CAMK2A: variants seen among roughly 807,000 people sequenced by gnomAD.
CAMK2A encodes the protein calcium/calmodulin dependent protein kinase II alpha.
Under a neutral mutation model 79.2 loss-of-function variants are expected in CAMK2A, and 7 were observed. The observed-to-expected ratio is 0.09, with a 90% CI of 0.05 to 0.17. The LOEUF (loss-of-function observed/expected upper bound fraction) is 0.17. Among genes scored for constraint, CAMK2A ranks in the 10% least tolerant of loss-of-function variants. The probability of loss-of-function intolerance (pLI) is 1.00; values close to 1 mark genes in which losing one functional copy is unlikely to be tolerated. For synonymous variants in CAMK2A, 242 were observed against 251.7 expected (o/e 0.96, Z 0.36); for missense variants, 214 against 646.4 (o/e 0.33, Z 7.25).
chr5:150,287,551 C>A (rs1475353183), intron 1 of CAMK2A, among the ~76,000 whole-genome samples: 1 of 152,184 alleles, frequency 6.6e-6, no homozygotes, highest in African/African-American at 2.4e-5. Flanking sequence ...AAAACCCAGT[C>A]TTAATGATAT....
intron 13 of CAMK2A, among the ~76,000 whole-genome samples, chr5:150,242,530 G>A (rs1350623801): frequency 6.6e-6 from 1 of 152,196 alleles, no homozygotes; most frequent in Non-Finnish European, 1.5e-5. Context: ...AGGAATGTGT[G>A]CCTCCCTGCT....
At chr5:150,224,774 A>G (rs1754511094) in intron 17 of CAMK2A, among the ~76,000 whole-genome samples, 1 of 152,094 alleles carries the variant, frequency 6.6e-6, no homozygotes, top group South Asian at 2.1e-4. Context: ...AGACCAACAT[A>G]TCCATTCCAC....
chr5:150,248,032 CCAGT>C (rs756938334), intron 11 of CAMK2A, among the ~76,000 whole-genome samples: 39 of 152,182 alleles, frequency 2.6e-4, no homozygotes, highest in Non-Finnish European at 4.9e-4. Flanking sequence ...TAGGCTTTAG[CCAGT>C]ACAGCTCCTG....
Position 150,222,505 on chromosome 5 carries a change from G to T in CAMK2A, c.*205C>A. On this transcript the variant is annotated 3_prime_UTR_variant, in exon 19 of 19. Coordinates refer to ENST00000671881, the MANE Select transcript of CAMK2A (RefSeq NM_015981.4). Reference sequence around the variant, plus strand: ...GGCAGGGGAGAGGGTGGGGGTGAGAGGTGGGGAGATGTGGCCGTTCGCTCT... The same window carrying T: ...GGCAGGGGAGAGGGTGGGGGTGAGATGTGGGGAGATGTGGCCGTTCGCTCT... The T allele has an allele frequency of 1.4e-6, 1 of 709,722 alleles. No homozygotes were observed. Among genetic ancestry groups the T allele is most frequent in the Non-Finnish European group, 2.6e-6 (1 of 390,888 alleles). The allele number at this position is 709,722 out of a possible 1,614,324, so 44.0% of individuals were successfully genotyped here. A position where few individuals can be genotyped will look rare whatever the true frequency, so the allele number is the denominator to read the frequency against.
chr5:150,239,805 C>T (rs556019023), intron 13 of CAMK2A, 69 bp from the exon 14 acceptor site: 137 of 1,380,364 alleles, frequency 9.9e-5, no homozygotes, highest in Middle Eastern at 3.6e-4. Context: ...AGCAGAGGAA[C>T]GACAGGGGAG....
chr5:150,221,578 C>T lies in CAMK2A; in HGVS notation c.*1132G>A, dbSNP rs1754311374. The T allele has an allele frequency of 5.0e-6, 2 of 398,540 alleles. No individual in the cohort carries two copies. Among genetic ancestry groups the T allele is most frequent in the African/African-American group, 4.1e-5 (2 of 48,592 alleles). The allele number at this position is 398,540 out of a possible 1,614,324, so 24.7% of individuals were successfully genotyped here. On this transcript the variant is annotated 3_prime_UTR_variant, in exon 19 of 19. Coordinates refer to ENST00000671881, the MANE Select transcript of CAMK2A (RefSeq NM_015981.4). The stretch of plus-strand genomic sequence containing the variant: ...TGACAGCCTCCCTCCTCCTCTCTGC[C>T]CTGACTTGCTGTTCCTGAGTCAGTG...
intron 6 of CAMK2A, among the ~76,000 whole-genome samples, chr5:150,253,849 C>T (rs1424246810): frequency 7.0e-6 from 1 of 143,562 alleles, no homozygotes; most frequent in African/African-American, 2.9e-5. Context: ...ACATTCACCA[C>T]CACAATAAAG....
At chr5:150,235,734 C>T (rs984212834) in intron 15 of CAMK2A, among the ~76,000 whole-genome samples, 16 of 152,142 alleles carry the variant, frequency 1.1e-4, no homozygotes, top group South Asian at 2.1e-4. Flanking sequence ...GACGATGTTC[C>T]CTGGAGGATG....
chr5:150,222,657 C>G lies in CAMK2A; in HGVS notation c.*53G>C. 1 of 1,600,710 alleles carries G rather than the reference C, an allele frequency of 6.2e-7. No homozygotes were observed. The highest frequency in any genetic ancestry group is 8.6e-7 in the Non-Finnish European group (1 of 1,168,502). ...TGGGAGAACCAGCAGCTCCACTCCA[C>G]GGACAGAGTGGATCTCTGCGGCACA... On this transcript the variant is annotated 3_prime_UTR_variant, in exon 19 of 19. Transcript: ENST00000671881.
chr5:150,253,639 C>T, intron 6 of CAMK2A, 93 bp from the exon 7 acceptor site: 1 of 1,085,488 alleles, frequency 9.2e-7, no homozygotes, highest in Non-Finnish European at 1.4e-6. Context: ...CCTGGGCTCA[C>T]AGGAAGAACA....
chr5:150,253,611 G>C, intron 6 of CAMK2A, 65 bp from the exon 7 acceptor site: 1 of 1,357,972 alleles, frequency 7.4e-7, no homozygotes, highest in Non-Finnish European at 1.1e-6. Flanking sequence ...AGCAGATTCA[G>C]AGCCTCACCT....
chr5:150,289,871 G>T, upstream of CAMK2A: 1 of 524,136 alleles, frequency 1.9e-6, no homozygotes, highest in Non-Finnish European at 3.4e-6. Flanking sequence ...CCGTTGCCCC[G>T]GTAACTGCCT....
At chr5:150,287,209 C>G (rs913420580) in intron 1 of CAMK2A, among the ~76,000 whole-genome samples, 4 of 152,240 alleles carry the variant, frequency 2.6e-5, no homozygotes, top group Admixed American at 2.0e-4. Flanking sequence ...ATCCCCTTGT[C>G]TCTAACACAA....
chr5:150,238,677 C>T (rs757622736), intron 15 of CAMK2A, 23 bp downstream of exon 15: 13 of 1,593,078 alleles, frequency 8.2e-6, no homozygotes, highest in African/African-American at 2.7e-5. Flanking sequence ...TAAGGGGTCC[C>T]GACACTGAAG....
At chr5:150,238,953 G>A (rs1035862470) in intron 14 of CAMK2A, among the ~76,000 whole-genome samples, 2 of 152,226 alleles carry the variant, frequency 1.3e-5, no homozygotes, top group African/African-American at 4.8e-5. Context: ...CCGGGTGGGG[G>A]AAAGGGATGG....
intron 1 of CAMK2A, among the ~76,000 whole-genome samples, chr5:150,285,960 C>T (rs982941217): frequency 6.6e-6 from 1 of 152,080 alleles, no homozygotes; most frequent in African/African-American, 2.4e-5. Context: ...TTCCCTGGGC[C>T]ATCTGCTGCA....
intron 1 of CAMK2A, among the ~76,000 whole-genome samples, chr5:150,282,201 G>T (rs1190102307): frequency 6.6e-6 from 1 of 152,166 alleles, no homozygotes; most frequent in Non-Finnish European, 1.5e-5. Flanking sequence ...TGCTCGAGCT[G>T]TCCCACACTG....
At chr5:150,239,091 A>G (rs915274087) in intron 14 of CAMK2A, among the ~76,000 whole-genome samples, 1 of 152,170 alleles carries the variant, frequency 6.6e-6, no homozygotes, top group African/African-American at 2.4e-5. Context: ...GGGGAGGAAC[A>G]TACACTGGCA....
At chr5:150,289,245 C>T (rs948698056) in intron 1 of CAMK2A, among the ~76,000 whole-genome samples, 7 of 152,210 alleles carry the variant, frequency 4.6e-5, no homozygotes, top group Non-Finnish European at 8.8e-5. Context: ...AACCCTAAGT[C>T]TCTAAGAATC....
Sources: gnomAD v4.1 joint callset for allele counts (sites outside exome capture counted in the v4.1 genomes callset) on GRCh38, gnomAD v4.1.1 for gene constraint, MANE v1.5 for transcripts, NCBI Gene and HGNC (gene_info 2026-07-23, HGNC 2026-07-21) for gene names.